CERT1: variants seen among roughly 807,000 people sequenced by gnomAD.
CERT1 encodes ceramide transporter 1.
CERT1 carries 31 observed loss-of-function variants against 87.9 expected under a neutral mutation model. That is an observed-to-expected ratio of 0.35 (90% CI 0.27 to 0.48). The LOEUF (loss-of-function observed/expected upper bound fraction) is 0.48, where lower values mean the gene tolerates loss of function less well. Among genes scored for constraint, CERT1 ranks in the 20% least tolerant of loss-of-function variants. CERT1 has a pLI of 0.99. For missense variants in CERT1, 487 were observed against 758.0 expected, an observed-to-expected ratio of 0.64 and a Z score of 4.20; for synonymous variants, 289 against 250.9, an observed-to-expected ratio of 1.15 and a Z score of -1.44.
chr5:75,485,440 C>A (rs1766478718), intron 2 of CERT1, among the ~76,000 whole-genome samples: 1 of 150,662 alleles, frequency 6.6e-6, no homozygotes, highest in Admixed American at 6.6e-5. Context: ...AGAAAACCTT[C>A]AAATAGACAA....
chr5:75,473,630 G>C (rs571220851), intron 2 of CERT1, among the ~76,000 whole-genome samples: 109 of 152,288 alleles, frequency 7.2e-4, no homozygotes, highest in African/African-American at 2.6e-3. Flanking sequence ...CTTATGGTTA[G>C]ATAGGAGGAT....
chr5:75,470,303 C>G (rs1165976779), intron 2 of CERT1, among the ~76,000 whole-genome samples: 2 of 152,126 alleles, frequency 1.3e-5, no homozygotes, highest in Admixed American at 1.3e-4. Flanking sequence ...GACCACAAAA[C>G]AAATCTTAAC....
chr5:75,448,568 G>C (rs1764646649), intron 3 of CERT1, among the ~76,000 whole-genome samples: 1 of 152,050 alleles, frequency 6.6e-6, no homozygotes, highest in South Asian at 2.1e-4. Flanking sequence ...TTGACTTTAG[G>C]AAACATTTTC....
intron 2 of CERT1, among the ~76,000 whole-genome samples, chr5:75,500,403 T>C (rs1202360458): frequency 1.3e-5 from 2 of 152,196 alleles, no homozygotes; most frequent in East Asian, 3.8e-4. Flanking sequence ...AGGTGCCCTT[T>C]TTCATGTTTT....
At chr5:75,499,244 T>TG (rs1767227515) in intron 2 of CERT1, among the ~76,000 whole-genome samples, 1 of 152,156 alleles carries the variant, frequency 6.6e-6, no homozygotes, top group Non-Finnish European at 1.5e-5. Flanking sequence ...GCTAAGACTT[T>TG]GGGGGACTGT....
At chr5:75,440,712 TG>T in intron 3 of CERT1, among the ~76,000 whole-genome samples, 1 of 152,216 alleles carries the variant, frequency 6.6e-6, no homozygotes, top group Middle Eastern at 3.4e-3. Context: ...GCTAAAAAGC[TG>T]AGTGTTACAA....
chr5:75,499,194 G>A (rs1053480515), intron 2 of CERT1, among the ~76,000 whole-genome samples: 14 of 152,232 alleles, frequency 9.2e-5, no homozygotes, highest in Admixed American at 3.9e-4. Context: ...TGTCTCAGAT[G>A]AGACTTTGGA....
Position 75,511,628 on chromosome 5 carries a change from T to TTACCCTCCCCTCCCC in CERT1, c.-422_-421insGGGGAGGGGAGGGTA. 1 of 1,483,946 alleles carries TTACCCTCCCCTCCCC rather than the reference T, an allele frequency of 6.7e-7. No homozygotes were observed. The highest frequency in any genetic ancestry group is 9.0e-7 in the Non-Finnish European group (1 of 1,114,852). The allele number at this position is 1,483,946 out of a possible 1,614,324, so 91.9% of individuals were successfully genotyped here. ...GCCATCTTCCTGCCTGGCCCACTAT[T>TTACCCTCCCCTCCCC]TACCCTCCCCTCCCCTGTCCTTTCC... is the stretch of plus-strand genomic sequence containing the variant. On this transcript the variant is annotated 5_prime_UTR_variant, in exon 1 of 17. Coordinates refer to ENST00000643780, the MANE Select transcript of CERT1 (RefSeq NM_001379029.1).
chr5:75,432,301 G>C (rs947819734), intron 3 of CERT1, among the ~76,000 whole-genome samples: 3 of 152,132 alleles, frequency 2.0e-5, no homozygotes, highest in African/African-American at 4.8e-5. Context: ...TAATCCGCCT[G>C]CCTTGGCCTC....
At chr5:75,430,378 G>T (rs1290775677) in intron 3 of CERT1, among the ~76,000 whole-genome samples, 1 of 152,042 alleles carries the variant, frequency 6.6e-6, no homozygotes, top group South Asian at 2.1e-4. Context: ...AGTGATGAAG[G>T]AATATAAACA....
At chr5:75,417,097 ATTAGAAAATGT>A in intron 6 of CERT1, 64 bp from the exon 7 acceptor site, 1 of 1,289,648 alleles carries the variant, frequency 7.8e-7, no homozygotes, top group Non-Finnish European at 1.1e-6. Flanking sequence ...ACAATTTAAG[ATTAGAAAATGT>A]TTAGAAAATT....
At chr5:75,469,241 G>A (rs1476275974) in intron 2 of CERT1, among the ~76,000 whole-genome samples, 1 of 152,096 alleles carries the variant, frequency 6.6e-6, no homozygotes, top group East Asian at 1.9e-4. Flanking sequence ...TTGAAGGCAG[G>A]TTATTTGAAA....
Position 75,379,200 on chromosome 5 carries a change from C to A in CERT1, c.*146G>T, listed in dbSNP as rs1300086639. The A allele has an allele frequency of 5.4e-6, 4 of 742,846 alleles. No individual in the cohort carries two copies. The highest frequency in any genetic ancestry group is 8.7e-6 in the Non-Finnish European group (4 of 460,340). The allele number at this position is 742,846 out of a possible 1,614,324, so 46.0% of individuals were successfully genotyped here. A position where few individuals can be genotyped will look rare whatever the true frequency, so the allele number is the denominator to read the frequency against. Reference sequence around the variant, plus strand: ...CTGTTTAAAACAACAACAACGACAACAACAAAAACCAACGAAACAATACTC... The same window carrying A: ...CTGTTTAAAACAACAACAACGACAAAAACAAAAACCAACGAAACAATACTC... On this transcript the variant is annotated 3_prime_UTR_variant, in exon 17 of 17. Transcript: ENST00000643780.
chr5:75,492,896 T>C (rs1016934596), intron 2 of CERT1, among the ~76,000 whole-genome samples: 2 of 152,192 alleles, frequency 1.3e-5, no homozygotes, highest in Non-Finnish European at 1.5e-5. Context: ...TCAGAATCAT[T>C]TGAAGGGTTT....
At chr5:75,371,353 T>C (rs1042026347) in intron 17 of CERT1, 1 of 152,186 alleles carries the variant, frequency 6.6e-6, no homozygotes, top group African/African-American at 2.4e-5. Context: ...AAGTGTTTAA[T>C]TGGACAAATA....
intron 5 of CERT1, among the ~76,000 whole-genome samples, chr5:75,425,073 G>A (rs1271293311): frequency 4.0e-5 from 6 of 151,578 alleles, no homozygotes; most frequent in Non-Finnish European, 8.8e-5. Context: ...AGCTATGATC[G>A]CGCCACTGCA....
chr5:75,393,922 G>A (rs1047424274), intron 11 of CERT1, among the ~76,000 whole-genome samples: 13 of 151,822 alleles, frequency 8.6e-5, no homozygotes, highest in African/African-American at 2.9e-4. Context: ...CCGAGATCGC[G>A]CCACTGCACT....
At position 75,409,895 on chromosome 5, in the gene CERT1, C is replaced by G. The variant is rs1561242348; in HGVS notation, c.930+1116G>C. Among the ~76,000 whole-genome samples the G allele has an allele frequency of 4.0e-5, 6 of 151,158 alleles. No individual in the cohort carries two copies. In the South Asian group the frequency reaches 1.0e-3, roughly 26 times the overall value. ...TCACCCAGCCTGGAGTGGAGTGGTG[C>G]AATCGTAGCTCACTGCAGTCTTGGG... On this transcript the variant is annotated intron_variant, in intron 8 of 16. Coordinates refer to ENST00000643780, the MANE Select transcript of CERT1 (RefSeq NM_001379029.1).
In CERT1 at chr5:75,377,951, T is replaced by C. The variant is rs1473307823; in HGVS notation, c.*1395A>G. The C allele has an allele frequency of 1.3e-5, 2 of 152,144 alleles. No homozygotes were observed. Among genetic ancestry groups the C allele is most frequent in the Admixed American group, 1.3e-4 (2 of 15,264 alleles). The allele number at this position is 152,144 out of a possible 1,614,324, so 9.4% of individuals were successfully genotyped here. ...TATACATGTATACCACCACGCCTAA[T>C]TGTTTTTTGTCAAGATGGAATCTTG... On this transcript the variant is annotated 3_prime_UTR_variant, in exon 17 of 17. Transcript: ENST00000643780.
Sources: gnomAD v4.1 joint callset for allele counts (sites outside exome capture counted in the v4.1 genomes callset) on GRCh38, gnomAD v4.1.1 for gene constraint, MANE v1.5 for transcripts, NCBI Gene and HGNC (gene_info 2026-07-23, HGNC 2026-07-21) for gene names.